PPP2R5A: variants seen among roughly 807,000 people sequenced by gnomAD.
PPP2R5A encodes serine/threonine-protein phosphatase 2A 56 kDa regulatory subunit alpha isoform.
Under a neutral mutation model 64.2 loss-of-function variants are expected in PPP2R5A, and 25 were observed. The ratio of observed to expected loss-of-function variants is 0.39; its 90% CI spans 0.28 to 0.54. PPP2R5A has a LOEUF of 0.54. Among genes scored for constraint, PPP2R5A ranks in the 20% least tolerant of loss-of-function variants. The probability of loss-of-function intolerance (pLI) is 0.67; values close to 1 mark genes in which losing one functional copy is unlikely to be tolerated. For missense variants in PPP2R5A, 425 were observed against 576.3 expected (o/e 0.74, Z 2.69); for synonymous variants, 198 against 201.2 (o/e 0.98, Z 0.13).
Position 212,302,138 on chromosome 1 carries a change from TGAG to T in PPP2R5A, c.181+15851_181+15853del, listed in dbSNP as rs756048767. Reference sequence around the variant, plus strand: ...GTGTTCTACTTGGTATTTGAAATCTTGAGGAGAGAAATGAATAGAGACTAGATT... The same window carrying T: ...GTGTTCTACTTGGTATTTGAAATCTTGAGAGAAATGAATAGAGACTAGATT... On this transcript the variant is annotated intron_variant, in intron 1 of 12. Transcript: ENST00000261461. The T allele has an allele frequency of 2.5e-4, 357 of 1,456,588 alleles. 1 individual carries two copies. The highest frequency in any genetic ancestry group is 2.9e-4 in the Non-Finnish European group (311 of 1,076,938). The allele number at this position is 1,456,588 out of a possible 1,614,324, so 90.2% of individuals were successfully genotyped here.
intron 1 of PPP2R5A, among the ~76,000 whole-genome samples, chr1:212,323,819 A>G (rs779142948): frequency 2.6e-5 from 4 of 152,186 alleles, no homozygotes; most frequent in Non-Finnish European, 4.4e-5. Context: ...CACGCCTGTA[A>G]TCCCAGCACT....
chr1:212,290,802 TA>T (rs1658588651), intron 1 of PPP2R5A, among the ~76,000 whole-genome samples: 1 of 152,242 alleles, frequency 6.6e-6, no homozygotes, highest in Non-Finnish European at 1.5e-5. Flanking sequence ...ATGTAAACAG[TA>T]GATTTAAATT....
chr1:212,333,155 G>A (rs77662186), intron 2 of PPP2R5A, among the ~76,000 whole-genome samples: 23,464 of 151,956 alleles, frequency 0.15, 2,510 homozygotes, highest in East Asian at 0.36. Flanking sequence ...TGCCCCCCTC[G>A]GCCTCCCAAA....
intron 1 of PPP2R5A, among the ~76,000 whole-genome samples, chr1:212,306,030 C>T (rs1315958119): frequency 6.6e-6 from 1 of 152,182 alleles, no homozygotes; most frequent in African/African-American, 2.4e-5. Context: ...GCCAGTTGTC[C>T]TGAGAGCACA....
chr1:212,285,561 A>G lies in PPP2R5A; in HGVS notation c.-550A>G, dbSNP rs951088149. On this transcript the variant is annotated 5_prime_UTR_variant, in exon 1 of 13. Transcript: ENST00000261461. ...ACGCAGAGGGCCGGGGCTACGGGGCAGCGCCCCGGGCGATGAGGGGCCGGC... is the reference window on the plus strand; with the variant it reads ...ACGCAGAGGGCCGGGGCTACGGGGCGGCGCCCCGGGCGATGAGGGGCCGGC... 2.0e-5 allele frequency: 3 copies of G among 152,346 alleles called. No individual in the cohort carries two copies. The highest frequency in any genetic ancestry group is 2.4e-5 in the African/African-American group (1 of 41,416). 9.4% of individuals were successfully genotyped at this position (152,346 alleles called of 1,614,324 possible).
intron 1 of PPP2R5A, among the ~76,000 whole-genome samples, chr1:212,304,405 C>T (rs1381597524): frequency 6.6e-6 from 1 of 151,978 alleles, no homozygotes; most frequent in Non-Finnish European, 1.5e-5. Context: ...ACAAAATTAG[C>T]CGGGGTGGTG....
chr1:212,353,064 G>T, intron 8 of PPP2R5A: 1 of 441,380 alleles, frequency 2.3e-6, no homozygotes, highest in South Asian at 1.7e-5. Flanking sequence ...TGCAGTTGGA[G>T]TGTTGGCCAG....
intron 1 of PPP2R5A, chr1:212,319,533 G>A (rs900313997): frequency 6.6e-6 from 1 of 151,990 alleles, no homozygotes; most frequent in African/African-American, 2.4e-5. Context: ...AAACGGAGAA[G>A]CTGAAGAATA....
intron 2 of PPP2R5A, among the ~76,000 whole-genome samples, chr1:212,330,098 C>T (rs1340619965): frequency 6.6e-6 from 1 of 152,094 alleles, no homozygotes; most frequent in Non-Finnish European, 1.5e-5. Context: ...AAAACTGCAG[C>T]CAACTTTATT....
chr1:212,310,840 G>A (rs1268563092), intron 1 of PPP2R5A, among the ~76,000 whole-genome samples: 4 of 152,174 alleles, frequency 2.6e-5, no homozygotes, highest in African/African-American at 9.7e-5. Context: ...GCTGTGGAAA[G>A]GATGAGAAAT....
At chr1:212,341,542 C>T (rs1413127756) in intron 3 of PPP2R5A, among the ~76,000 whole-genome samples, 1 of 152,030 alleles carries the variant, frequency 6.6e-6, no homozygotes, top group Non-Finnish European at 1.5e-5. Flanking sequence ...GGAACATCTT[C>T]CTAGTGAGTA....
chr1:212,325,573 A>G (rs1407227846), intron 1 of PPP2R5A, among the ~76,000 whole-genome samples: 7 of 152,126 alleles, frequency 4.6e-5, no homozygotes, highest in African/African-American at 4.8e-5. Context: ...GGGCTAAAAT[A>G]TATCTTAAAA....
chr1:212,343,062 C>T (rs1288066611), intron 4 of PPP2R5A, among the ~76,000 whole-genome samples: 2 of 152,102 alleles, frequency 1.3e-5, no homozygotes, highest in Non-Finnish European at 2.9e-5. Context: ...ATTCTCCTGC[C>T]TCAGCCTCCC....
rs1659689226 is a variant in PPP2R5A at position 212,341,756 on chromosome 1, A to G, written c.481-432A>G. Among the ~76,000 whole-genome samples, 5 of 152,110 alleles carry G rather than the reference A, an allele frequency of 3.3e-5. No homozygotes were observed. In the South Asian group the frequency reaches 1.0e-3, roughly 32 times the overall value. On this transcript the variant is annotated intron_variant, in intron 3 of 12. Transcript: ENST00000261461. Reference sequence around the variant, plus strand: ...GTTTATTTATTTATTTATTTTTCAGACAGAGTCTCACTCTGTTGCCCAGGC... The same window carrying G: ...GTTTATTTATTTATTTATTTTTCAGGCAGAGTCTCACTCTGTTGCCCAGGC...
chr1:212,287,119 A>C (rs1415216940), intron 1 of PPP2R5A, among the ~76,000 whole-genome samples: 1 of 152,198 alleles, frequency 6.6e-6, no homozygotes. Context: ...AATGCCTTGC[A>C]GGAGAACTTG....
At chr1:212,294,202 T>C (rs1658652206) in intron 1 of PPP2R5A, among the ~76,000 whole-genome samples, 1 of 152,204 alleles carries the variant, frequency 6.6e-6, no homozygotes, top group South Asian at 2.1e-4. Flanking sequence ...ATCAAGGATA[T>C]TCCATAATTA....
chr1:212,337,230 A>G (rs926806849), intron 3 of PPP2R5A, among the ~76,000 whole-genome samples: 3 of 152,240 alleles, frequency 2.0e-5, no homozygotes, highest in Admixed American at 6.5e-5. Context: ...ATTGCTTTCT[A>G]TTTATTGAAG....
At chr1:212,301,698 G>A (rs1413011692) in intron 1 of PPP2R5A, 4 of 394,752 alleles carry the variant, frequency 1.0e-5, no homozygotes, top group Non-Finnish European at 1.4e-5. Flanking sequence ...AATGTTCTAG[G>A]GGTATTGCCA....
Position 212,316,587 on chromosome 1 carries a change from C to CTTTTTTTTTTTTTTTTTTTTTT in PPP2R5A, c.182-12543_182-12522dup, listed in dbSNP as rs751228809. On this transcript the variant is annotated intron_variant, in intron 1 of 12. Coordinates refer to ENST00000261461, the MANE Select transcript of PPP2R5A (RefSeq NM_006243.4). ...ATGGATATTTAACCTTTGTGGGTGA[C>CTTTTTTTTTTTTTTTTTTTTTT]TTTTTTTTTTTTTTTTTTTTTTTTT... is the stretch of plus-strand genomic sequence containing the variant. Among the ~76,000 whole-genome samples, 13 of 36,690 alleles carry CTTTTTTTTTTTTTTTTTTTTTT rather than the reference C, an allele frequency of 3.5e-4. 1 individual carries two copies. Among genetic ancestry groups the CTTTTTTTTTTTTTTTTTTTTTT allele is most frequent in the Non-Finnish European group, 4.3e-4 (8 of 18,564 alleles). 24.1% of individuals were successfully genotyped at this position (36,690 alleles called of 152,430 possible).
Sources: allele counts gnomAD v4.1 joint callset (sites outside exome capture counted in the v4.1 genomes callset), GRCh38; gene constraint gnomAD v4.1.1; transcripts MANE v1.5; gene names NCBI Gene and HGNC (gene_info 2026-07-23, HGNC 2026-07-21).